GAB1: variants seen among roughly 807,000 people sequenced by gnomAD.
GAB1 encodes the protein GRB2-associated-binding protein 1.
Under a neutral mutation model 66.5 loss-of-function variants are expected in GAB1, and 19 were observed. That is an observed-to-expected ratio of 0.29 (90% confidence interval 0.20 to 0.42). The LOEUF (loss-of-function observed/expected upper bound fraction) is 0.42, where lower values mean the gene tolerates loss of function less well. Among genes scored for constraint, GAB1 ranks in the 10% least tolerant of loss-of-function variants. The pLI is 1.00. For missense variants in GAB1, 732 were observed against 858.5 expected, an observed-to-expected ratio of 0.85 and a Z score of 1.84; for synonymous variants, 294 against 301.4, an observed-to-expected ratio of 0.98 and a Z score of 0.25.
At chr4:143,464,491 A>G (rs917575958) in intron 8 of GAB1, among the ~76,000 whole-genome samples, 7 of 151,996 alleles carry the variant, frequency 4.6e-5, no homozygotes, top group Non-Finnish European at 8.8e-5. Flanking sequence ...CAGCCTCCCA[A>G]AGTGCTGGGA....
intron 1 of GAB1, among the ~76,000 whole-genome samples, chr4:143,372,354 T>C (rs1730162364): frequency 6.6e-6 from 1 of 152,222 alleles, no homozygotes; most frequent in Non-Finnish European, 1.5e-5. Context: ...TCAACATCTA[T>C]TTATTGAATG....
At chr4:143,453,313 T>C (rs1374513550) in intron 6 of GAB1, among the ~76,000 whole-genome samples, 1 of 152,122 alleles carries the variant, frequency 6.6e-6, no homozygotes, top group Non-Finnish European at 1.5e-5. Flanking sequence ...TTATATCATA[T>C]TTTTCTAATA....
chr4:143,343,937 T>C (rs1728907258), intron 1 of GAB1, among the ~76,000 whole-genome samples: 1 of 152,230 alleles, frequency 6.6e-6, no homozygotes, highest in African/African-American at 2.4e-5. Flanking sequence ...AGATCTAATG[T>C]TCCTCATGGG....
rs1736147549 is a variant in GAB1, at chr4:143,472,939, TTGATA to T, written c.*3756_*3760del. On this transcript the variant is annotated 3_prime_UTR_variant, in exon 10 of 10. Transcript: ENST00000262994. ...AATGAATATTGTGGACATCATGGAC[TTGATA>T]TGATAGAAATCAATTGTCAGCTTGA... 1 of 152,230 alleles carries T rather than the reference TTGATA, an allele frequency of 6.6e-6. No homozygotes were observed. The highest frequency in any genetic ancestry group is 2.1e-4 in the South Asian group (1 of 4,832). The allele number at this position is 152,230 out of a possible 1,614,324, so 9.4% of individuals were successfully genotyped here.
chr4:143,343,278 TG>T (rs1269762213), intron 1 of GAB1, among the ~76,000 whole-genome samples: 6 of 152,166 alleles, frequency 3.9e-5, no homozygotes, highest in Non-Finnish European at 8.8e-5. Context: ...CATAAATTTT[TG>T]GGGGACATAA....
At chr4:143,368,066 C>T (rs1729963327) in intron 1 of GAB1, among the ~76,000 whole-genome samples, 1 of 151,904 alleles carries the variant, frequency 6.6e-6, no homozygotes, top group African/African-American at 2.4e-5. Flanking sequence ...CCACAGAGCA[C>T]TCTTCTCAGG....
intron 6 of GAB1, among the ~76,000 whole-genome samples, chr4:143,440,874 A>G (rs1299453136): frequency 6.6e-6 from 1 of 152,238 alleles, no homozygotes; most frequent in Non-Finnish European, 1.5e-5. Context: ...AGGCCAACCC[A>G]AACACTTCTG....
chr4:143,448,523 A>G (rs1222059367), intron 6 of GAB1, among the ~76,000 whole-genome samples: 1 of 151,290 alleles, frequency 6.6e-6, no homozygotes, highest in Non-Finnish European at 1.5e-5. Context: ...GTCTTGGGAG[A>G]GTGTATGTGT....
At chr4:143,364,189 C>CAA (rs779207437) in intron 1 of GAB1, among the ~76,000 whole-genome samples, 77 of 81,480 alleles carry the variant, frequency 9.5e-4, no homozygotes, top group Admixed American at 2.4e-3. Context: ...ACTTCGTCTC[C>CAA]AAAAAAAAAA....
intron 1 of GAB1, among the ~76,000 whole-genome samples, chr4:143,386,160 A>G (rs1730896755): frequency 1.3e-5 from 2 of 152,116 alleles, no homozygotes; most frequent in South Asian, 4.1e-4. Flanking sequence ...GTGTATTGGA[A>G]CACAGATGTG....
In GAB1 at chr4:143,425,110, C is replaced by T. The variant is rs191098205; in HGVS notation, c.368-8381C>T. ...GAGGATGTCCTTAAGTTCCTTGCAG[C>T]AGGAACCCACTTAGGTGGCACCAGT... On this transcript the variant is annotated intron_variant, in intron 2 of 9. Transcript: ENST00000262994. 579 of 859,802 alleles carry T rather than the reference C, an allele frequency of 6.7e-4. 1 individual carries two copies. In the African/African-American group the frequency reaches 8.5e-3, roughly 13 times the overall value. The allele number at this position is 859,802 out of a possible 1,614,324, so 53.3% of individuals were successfully genotyped here.
At chr4:143,448,324 T>G (rs1734685632) in intron 6 of GAB1, among the ~76,000 whole-genome samples, 1 of 151,856 alleles carries the variant, frequency 6.6e-6, no homozygotes, top group African/African-American at 2.4e-5. Context: ...TTAGGGAGGA[T>G]TCCCTCTTTT....
rs575798385 is a variant in GAB1, at chr4:143,474,084, C to T, written c.*4895C>T. On this transcript the variant is annotated 3_prime_UTR_variant, in exon 10 of 10. Coordinates refer to ENST00000262994, the MANE Select transcript of GAB1 (RefSeq NM_002039.4). ...TTATTGAATATTTAAAAAGCTGGGT[C>T]TGTAATGGGAGGCATTTTATTAGCT... 23 of 152,248 alleles carry T rather than the reference C, an allele frequency of 1.5e-4. No individual in the cohort carries two copies. The highest frequency in any genetic ancestry group is 5.5e-4 in the African/African-American group (23 of 41,544). The allele number at this position is 152,248 out of a possible 1,614,324, so 9.4% of individuals were successfully genotyped here. A position where few individuals can be genotyped will look rare whatever the true frequency, so the allele number is the denominator to read the frequency against.
chr4:143,464,520 G>A (rs1476528795), intron 8 of GAB1, among the ~76,000 whole-genome samples: 20 of 152,224 alleles, frequency 1.3e-4, no homozygotes, highest in African/African-American at 3.9e-4. Context: ...CTGAGCCACC[G>A]CGCCTAGCCA....
intron 2 of GAB1, among the ~76,000 whole-genome samples, chr4:143,420,084 C>A (rs1732934488): frequency 1.3e-5 from 2 of 152,052 alleles, no homozygotes; most frequent in Non-Finnish European, 2.9e-5. Flanking sequence ...GTTTTATATT[C>A]TCTTGTGTCC....
chr4:143,341,731 T>C (rs1169961372), intron 1 of GAB1, among the ~76,000 whole-genome samples: 1 of 152,128 alleles, frequency 6.6e-6, no homozygotes, highest in Non-Finnish European at 1.5e-5. Context: ...GAAACAGAAA[T>C]AGCCTCTCCT....
chr4:143,372,684 C>T (rs1028969595), intron 1 of GAB1, among the ~76,000 whole-genome samples: 3 of 152,150 alleles, frequency 2.0e-5, no homozygotes, highest in Non-Finnish European at 4.4e-5. Flanking sequence ...TATTGTCAAG[C>T]TGAGCCTGGT....
At chr4:143,428,142 A>T (rs1295988281) in intron 2 of GAB1, among the ~76,000 whole-genome samples, 1 of 152,214 alleles carries the variant, frequency 6.6e-6, no homozygotes, top group Non-Finnish European at 1.5e-5. Context: ...TGAAAGGAGA[A>T]GCCTGGCTTA....
At chr4:143,377,629 A>T (rs1298990535) in intron 1 of GAB1, among the ~76,000 whole-genome samples, 1 of 152,230 alleles carries the variant, frequency 6.6e-6, no homozygotes, top group East Asian at 1.9e-4. Context: ...TAAGTTGAAT[A>T]ACTGTATAGT....
Sources: gnomAD v4.1 joint callset for allele counts (sites outside exome capture counted in the v4.1 genomes callset) on GRCh38, gnomAD v4.1.1 for gene constraint, MANE v1.5 for transcripts, NCBI Gene and HGNC (gene_info 2026-07-23, HGNC 2026-07-21) for gene names.